Variants in THSD4 observed in about 807,000 individuals in gnomAD.
The protein encoded by THSD4 is thrombospondin type-1 domain-containing protein 4.
A neutral mutation model predicts 119.0 loss-of-function variants in THSD4; 69 were observed. The observed-to-expected ratio is 0.58, with a 90% CI of 0.48 to 0.71. The LOEUF (loss-of-function observed/expected upper bound fraction) is 0.71. THSD4 is among the 30% of genes least tolerant of loss of function. THSD4 has a pLI of 0.00. For synonymous variants in THSD4, 524 were observed against 540.4 expected, an observed-to-expected ratio of 0.97 and a Z score of 0.42; for missense variants, 1,393 against 1,391.1, an observed-to-expected ratio of 1.00 and a Z score of -0.02.
chr15:71,724,266 G>GATATATATATATAT (rs144736427), intron 8 of THSD4, among the ~76,000 whole-genome samples: 28 of 74,604 alleles, frequency 3.8e-4, no homozygotes, highest in South Asian at 9.5e-4. Flanking sequence ...TCTATGATGG[G>GATATATATATATAT]ATATATATAT....
chr15:71,469,259 G>A (rs2047540108), intron 7 of THSD4, among the ~76,000 whole-genome samples: 1 of 152,100 alleles, frequency 6.6e-6, no homozygotes, highest in Admixed American at 6.5e-5. Context: ...GTGTTGCACT[G>A]CCCAGGCCCT....
At chr15:71,577,984 C>T (rs1267998250) in intron 7 of THSD4, among the ~76,000 whole-genome samples, 1 of 151,506 alleles carries the variant, frequency 6.6e-6, no homozygotes, top group African/African-American at 2.4e-5. Context: ...GAGGCTGCTA[C>T]TCTCTACCAT....
chr15:71,462,818 T>G (rs1028719476), intron 7 of THSD4, among the ~76,000 whole-genome samples: 1 of 152,212 alleles, frequency 6.6e-6, no homozygotes, highest in Non-Finnish European at 1.5e-5. Context: ...CATCTGAAAA[T>G]GTGGTATCCA....
chr15:71,210,193 T>C (rs2043877918), intron 3 of THSD4, among the ~76,000 whole-genome samples: 1 of 152,192 alleles, frequency 6.6e-6, no homozygotes, highest in Non-Finnish European at 1.5e-5. Context: ...TCCTGGGTGC[T>C]CATGAACTGT....
chr15:71,488,785 T>G (rs935933221), intron 7 of THSD4, among the ~76,000 whole-genome samples: 10 of 152,244 alleles, frequency 6.6e-5, no homozygotes, highest in African/African-American at 2.4e-4. Flanking sequence ...TATTTACTAT[T>G]CCCCGCCCCT....
intron 7 of THSD4, among the ~76,000 whole-genome samples, chr15:71,561,439 T>A (rs2049115326): frequency 6.6e-6 from 1 of 152,172 alleles, no homozygotes; most frequent in Non-Finnish European, 1.5e-5. Flanking sequence ...AAAGATTCTT[T>A]ATATAGACTA....
rs564563420 is a variant in THSD4, at chr15:71,209,831, T to G, written c.100-5204T>G. Among the ~76,000 whole-genome samples, 140 of 152,270 alleles carry G rather than the reference T, an allele frequency of 9.2e-4. 1 individual carries two copies. Among genetic ancestry groups the G allele is most frequent in the African/African-American group, 3.2e-3 (131 of 41,546 alleles). ...ATGGGGGCGGGTCTTTCCTGTGCTA[T>G]TCTTATGATAGTGAGTAAATTTCAC... is the stretch of plus-strand genomic sequence containing the variant. On this transcript the variant is annotated intron_variant, in intron 3 of 17. Transcript: ENST00000261862.
intron 6 of THSD4, among the ~76,000 whole-genome samples, chr15:71,336,776 A>G (rs2045494252): frequency 1.3e-5 from 2 of 152,338 alleles, no homozygotes; most frequent in Middle Eastern, 3.4e-3. Context: ...TTTAACCCCA[A>G]TCTAATTTTT....
intron 7 of THSD4, among the ~76,000 whole-genome samples, chr15:71,544,307 G>T (rs974805353): frequency 6.6e-6 from 1 of 152,108 alleles, no homozygotes; most frequent in Admixed American, 6.5e-5. Flanking sequence ...CTGTTGTCAT[G>T]GTTACATGAA....
chr15:71,526,561 C>T (rs938738600), intron 7 of THSD4, among the ~76,000 whole-genome samples: 7 of 152,030 alleles, frequency 4.6e-5, no homozygotes, highest in Non-Finnish European at 8.8e-5. Flanking sequence ...TGGAATATTC[C>T]AGGAATAGTC....
At chr15:71,745,438 C>G (rs1217785523) in intron 12 of THSD4, among the ~76,000 whole-genome samples, 3 of 152,166 alleles carry the variant, frequency 2.0e-5, no homozygotes, top group Non-Finnish European at 4.4e-5. Context: ...GCAAGTCAAC[C>G]CACTTCTGGG....
chr15:71,563,813 A>G (rs1310524068), intron 7 of THSD4, among the ~76,000 whole-genome samples: 1 of 152,114 alleles, frequency 6.6e-6, no homozygotes, highest in Non-Finnish European at 1.5e-5. Context: ...CTTTAAGTAT[A>G]TTCAACTGGT....
chr15:71,484,090 C>G (rs113730520), intron 7 of THSD4, among the ~76,000 whole-genome samples: 3 of 152,296 alleles, frequency 2.0e-5, no homozygotes, highest in African/African-American at 7.2e-5. Context: ...GACCCATTAA[C>G]TAGCTTCTCT....
intron 8 of THSD4, among the ~76,000 whole-genome samples, chr15:71,667,124 AAAAT>A (rs1333767359): frequency 1.3e-5 from 2 of 152,260 alleles, no homozygotes; most frequent in Non-Finnish European, 2.9e-5. Context: ...TACATGCTCC[AAAAT>A]ATAGACTGTT....
intron 7 of THSD4, among the ~76,000 whole-genome samples, chr15:71,483,425 A>T (rs1038757661): frequency 7.2e-5 from 11 of 152,092 alleles, no homozygotes; most frequent in Admixed American, 1.3e-4. Context: ...TTGTTTGGAC[A>T]TTTTATTTCA....
chr15:71,120,617 A>G (rs578170932), intron 1 of THSD4, among the ~76,000 whole-genome samples: 24 of 152,360 alleles, frequency 1.6e-4, no homozygotes, highest in African/African-American at 4.6e-4. Context: ...AGGCCTGGCC[A>G]GCAGTGAGGA....
At chr15:71,599,968 A>G (rs564182326) in intron 7 of THSD4, among the ~76,000 whole-genome samples, 1 of 152,340 alleles carries the variant, frequency 6.6e-6, no homozygotes, top group African/African-American at 2.4e-5. Flanking sequence ...CTCACATCTC[A>G]AATTCTAAAA....
chr15:71,414,142 T>C (rs2046726176), intron 7 of THSD4, among the ~76,000 whole-genome samples: 2 of 152,252 alleles, frequency 1.3e-5, no homozygotes, highest in Non-Finnish European at 2.9e-5. Context: ...ACTTAAGCTC[T>C]CTGTGCTTCT....
rs773198822 is a variant in THSD4 at position 71,733,910 on chromosome 15, C to CAA, written c.1630+2715_1630+2716dup. ...GGGTGACAGAGTGAGACTCTGTCTC[C>CAA]AAAAAAAAAAAAAAAAAAAAAAATT... On this transcript the variant is annotated intron_variant, in intron 10 of 17. Coordinates refer to ENST00000261862, the MANE Select transcript of THSD4 (RefSeq NM_024817.3). The CAA allele has an allele frequency of 1.0e-3, 77 of 74,314 alleles. 1 individual carries two copies. Among genetic ancestry groups the CAA allele is most frequent in the South Asian group, 5.4e-3 (11 of 2,026 alleles). The allele number at this position is 74,314 out of a possible 1,614,324, so 4.6% of individuals were successfully genotyped here.
Sources: allele counts gnomAD v4.1 joint callset (sites outside exome capture counted in the v4.1 genomes callset), GRCh38; gene constraint gnomAD v4.1.1; transcripts MANE v1.5; gene names NCBI Gene and HGNC (gene_info 2026-07-23, HGNC 2026-07-21).